Variants in APLNR observed in about 807,000 individuals in gnomAD.
The protein encoded by APLNR is apelin receptor, also known as APJ (apelin) receptor.
In APLNR, 13 loss-of-function variants were observed where a neutral mutation model predicts 23.4. That is an observed-to-expected ratio of 0.56 (90% CI 0.36 to 0.88). The LOEUF (loss-of-function observed/expected upper bound fraction) is 0.88, where lower values mean the gene tolerates loss of function less well. APLNR is among the 40% of genes least tolerant of loss of function. The pLI is 0.01. For synonymous variants in APLNR, 234 were observed against 211.9 expected, an observed-to-expected ratio of 1.10 and a Z score of -0.91; for missense variants, 480 against 517.1, an observed-to-expected ratio of 0.93 and a Z score of 0.70.
At position 57,236,188 on chromosome 11, in the gene APLNR, G is replaced by A; in HGVS notation, c.817C>T (p.Leu273=). Residue 273 remains leucine, a synonymous_variant, in exon 1 of 1, where the codon CTG becomes TTG. Transcript: ENST00000606794. ...PYHLVKTLYM[L]GSLLHWPCDF... is the part of the protein sequence containing the mutation. ...CAGGGCCAGTGCAGCAGGCTGCCCA[G>A]CATGTACAGCGTCTTCACCAGGTGG... The A allele has an allele frequency of 1.2e-6, 2 of 1,614,152 alleles. No individual in the cohort carries two copies. The highest frequency in any genetic ancestry group is 1.7e-6 in the Non-Finnish European group (2 of 1,180,024).
rs754256216 is a variant in APLNR, at chr11:57,235,828, G to GCCGAGGGCGC, written c.*24_*33dup. 4 of 1,562,818 alleles carry GCCGAGGGCGC rather than the reference G, an allele frequency of 2.6e-6. No homozygotes were observed. Among genetic ancestry groups the GCCGAGGGCGC allele is most frequent in the Non-Finnish European group, 2.6e-6 (3 of 1,156,094 alleles). On this transcript the variant is annotated 3_prime_UTR_variant, in exon 1 of 1. Coordinates refer to ENST00000606794, the MANE Select transcript of APLNR (RefSeq NM_005161.6). ...AAAGCAAGGGCAAAGGCCGGGGAGG[G>GCCGAGGGCGC]CCGAGGGCGCCAGGCTTCTCTCTGC...
At position 57,234,056 on chromosome 11, in the gene APLNR, A is replaced by G. The variant is rs1854971936; in HGVS notation, c.*1806T>C. Reference sequence around the variant, plus strand: ...TAGTCCTCCAAGAACAAAACCCGGAATAGACACTCCCAGCCTCTAGCTCAC... The same window carrying G: ...TAGTCCTCCAAGAACAAAACCCGGAGTAGACACTCCCAGCCTCTAGCTCAC... On this transcript the variant is annotated 3_prime_UTR_variant, in exon 1 of 1. Transcript: ENST00000606794. The G allele has an allele frequency of 6.6e-6, 1 of 152,294 alleles. No homozygotes were observed. The highest frequency in any genetic ancestry group is 1.5e-5 in the Non-Finnish European group (1 of 68,120). The allele number at this position is 152,294 out of a possible 1,614,324, so 9.4% of individuals were successfully genotyped here. A position where few individuals can be genotyped will look rare whatever the true frequency, so the allele number is the denominator to read the frequency against.
rs370606919 is a variant in APLNR at position 57,237,034 on chromosome 11, G to C, written c.-30C>G. 2 of 1,535,462 alleles carry C rather than the reference G, an allele frequency of 1.3e-6. No homozygotes were observed. Among genetic ancestry groups the C allele is most frequent in the South Asian group, 2.6e-5 (2 of 77,592 alleles). The stretch of plus-strand genomic sequence containing the variant: ...GGGAGTGGAGAGAAGACGGGCAGAG[G>C]GTCCCAGGGACACCAGCTCCGTGGC... On this transcript the variant is annotated 5_prime_UTR_variant, in exon 1 of 1. Coordinates refer to ENST00000606794, the MANE Select transcript of APLNR (RefSeq NM_005161.6).
rs147773675 is a variant in APLNR at position 57,235,946 on chromosome 11, C to T, written c.1059G>A (p.Gly353=). 1.3e-4 allele frequency: 207 copies of T among 1,614,272 alleles called. 1 individual carries two copies. The Middle Eastern group carries it at 2.8e-3, about 22-fold the overall frequency. The change falls in exon 1 of 1, where the codon GGG becomes GGA. Residue 353 remains glycine (G), a synonymous_variant. Transcript: ENST00000606794. ...SASYSSGHSQ[G]PGPNMGKGGE... is the part of the protein sequence containing the mutation. ...CACCCTTGCCCATGTTGGGGCCGGGCCCCTGGCTGTGCCCCGAAGAGTAGC... is the reference window on the plus strand; with the variant it reads ...CACCCTTGCCCATGTTGGGGCCGGGTCCCTGGCTGTGCCCCGAAGAGTAGC...
At position 57,236,606 on chromosome 11, in the gene APLNR, C is replaced by T; in HGVS notation, c.399G>A (p.Arg133=). The T allele has an allele frequency of 2.5e-6, 4 of 1,611,238 alleles. No individual in the cohort carries two copies. Among genetic ancestry groups the T allele is most frequent in the Non-Finnish European group, 3.4e-6 (4 of 1,179,278 alleles). Residue 133 remains arginine, a synonymous_variant, in exon 1 of 1, where the codon AGG becomes AGA. Transcript: ENST00000606794. ...LSFDRYLAIV[R]PVANARLRLR... is the part of the protein sequence containing the mutation. ...GCCTCAGCCGAGCATTGGCCACTGGCCTCACGATGGCCAGGTAGCGGTCGA... is the reference window on the plus strand; with the variant it reads ...GCCTCAGCCGAGCATTGGCCACTGGTCTCACGATGGCCAGGTAGCGGTCGA...
rs764811583 is a variant in APLNR at position 57,236,789 on chromosome 11, C to T, written c.216G>A (p.Ala72=). 1.7e-5 allele frequency: 27 copies of T among 1,614,088 alleles called. 1 individual carries two copies. The highest frequency in any genetic ancestry group is 1.4e-4 in the South Asian group (13 of 91,090). Residue 72 remains alanine, a synonymous_variant, in exon 1 of 1, where the codon GCG becomes GCA. Coordinates refer to ENST00000606794, the MANE Select transcript of APLNR (RefSeq NM_005161.6). ...RSADIFIASL[A]VADLTFVVTL... ...TCACCACGAAGGTCAGGTCAGCCAC[C>T]GCCAGGCTAGCAATGAAGATATCAG...
Position 57,235,629 on chromosome 11 carries a change from A to C in APLNR, c.*233T>G. On this transcript the variant is annotated 3_prime_UTR_variant, in exon 1 of 1. Coordinates refer to ENST00000606794, the MANE Select transcript of APLNR (RefSeq NM_005161.6). The stretch of plus-strand genomic sequence containing the variant: ...CATACCAATGGAGAAACTGAGGCTG[A>C]GTGAGATTAAATGGCTTGTGCAGGG... 1 of 481,108 alleles carries C rather than the reference A, an allele frequency of 2.1e-6. No homozygotes were observed. The highest frequency in any genetic ancestry group is 3.6e-6 in the Non-Finnish European group (1 of 276,894). The allele number at this position is 481,108 out of a possible 1,614,324, so 29.8% of individuals were successfully genotyped here.
rs1213912764 is a variant in APLNR, at chr11:57,235,901, T to A, written c.1104A>T (p.Lys368Asn). 4 of 1,613,398 alleles carry A rather than the reference T, an allele frequency of 2.5e-6. No homozygotes were observed. The highest frequency in any genetic ancestry group is 3.4e-6 in the Non-Finnish European group (4 of 1,179,690). The change falls in exon 1 of 1, where the codon AAA (lysine) becomes AAT (asparagine). Residue 368 changes from lysine (K) to asparagine (N), a missense_variant. Lys to Asn is a moderately conservative substitution (Grantham distance 94). Coordinates refer to ENST00000606794, the MANE Select transcript of APLNR (RefSeq NM_005161.6). ...GGGTCTCCTGGCTGTAGGGGATGGA[T>A]TTCTCGTGCATCTGTTCTCCACCCT... is the stretch of plus-strand genomic sequence containing the variant. Reference protein sequence around the residue: ...MGKGGEQMHEKSIPYSQETLV... With the variant: ...MGKGGEQMHENSIPYSQETLV...
rs1854981188 is a variant in APLNR, at chr11:57,234,650, T to A, written c.*1212A>T. ...CAAGGGTAATGTGTGAACAGCAGAG[T>A]TGCAGTGGATTGGGGGGTGGGAGGA... On this transcript the variant is annotated 3_prime_UTR_variant, in exon 1 of 1. Coordinates refer to ENST00000606794, the MANE Select transcript of APLNR (RefSeq NM_005161.6). 1 of 152,158 alleles carries A rather than the reference T, an allele frequency of 6.6e-6. No homozygotes were observed. Among genetic ancestry groups the A allele is most frequent in the African/African-American group, 2.4e-5 (1 of 41,360 alleles). The allele number at this position is 152,158 out of a possible 1,614,324, so 9.4% of individuals were successfully genotyped here.
rs1472375388 is a variant in APLNR at position 57,235,881 on chromosome 11, T to C, written c.1124A>G (p.Glu375Gly). Residue 375 changes from glutamate to glycine, a missense_variant, in exon 1 of 1, where the codon GAG (glutamate) becomes GGG (glycine). Physicochemically the swap from Glu to Gly is moderately conservative, Grantham distance 98. Coordinates refer to ENST00000606794, the MANE Select transcript of APLNR (RefSeq NM_005161.6). ...MHEKSIPYSQETLVVD is the reference protein window; with the variant it reads ...MHEKSIPYSQGTLVVD ...CCAGCCCTAGTCAACCACAAGGGTC[T>C]CCTGGCTGTAGGGGATGGATTTCTC... The C allele has an allele frequency of 1.2e-6, 2 of 1,610,388 alleles. No homozygotes were observed. Among genetic ancestry groups the C allele is most frequent in the Non-Finnish European group, 8.5e-7 (1 of 1,178,016 alleles).
Position 57,235,731 on chromosome 11 carries a change from G to A in APLNR, c.*131C>T. 2 of 1,078,698 alleles carry A rather than the reference G, an allele frequency of 1.9e-6. No homozygotes were observed. The highest frequency in any genetic ancestry group is 1.6e-5 in the South Asian group (1 of 62,096). 66.8% of individuals were successfully genotyped at this position (1,078,698 alleles called of 1,614,324 possible). On this transcript the variant is annotated 3_prime_UTR_variant, in exon 1 of 1. Transcript: ENST00000606794. Reference sequence around the variant, plus strand: ...AGAATAAAGCAGTAGAGGAGGACAGGGCGGGGCAGAATCAGGGGACAGTTA... The same window carrying A: ...AGAATAAAGCAGTAGAGGAGGACAGAGCGGGGCAGAATCAGGGGACAGTTA...
In APLNR at chr11:57,235,855, C is replaced by G. The variant is rs773385120; in HGVS notation, c.*7G>C. On this transcript the variant is annotated 3_prime_UTR_variant, in exon 1 of 1. Transcript: ENST00000606794. ...CGAGGGCGCCAGGCTTCTCTCTGCT[C>G]CCAGCCCTAGTCAACCACAAGGGTC... The G allele has an allele frequency of 1.9e-6, 3 of 1,593,872 alleles. No individual in the cohort carries two copies. Among genetic ancestry groups the G allele is most frequent in the South Asian group, 2.3e-5 (2 of 86,912 alleles).
At position 57,237,160 on chromosome 11, in the gene APLNR, C is replaced by G; in HGVS notation, c.-156G>C. 1.3e-6 allele frequency: 1 copy of G among 756,574 alleles called. No homozygotes were observed. The allele number at this position is 756,574 out of a possible 1,614,324, so 46.9% of individuals were successfully genotyped here. A position where few individuals can be genotyped will look rare whatever the true frequency, so the allele number is the denominator to read the frequency against. ...AGTCCTTCCCAGCACTCAGGAGGAG[C>G]TGCCTCTGGGTTCTCCAGACCCTGG... is the stretch of plus-strand genomic sequence containing the variant. On this transcript the variant is annotated 5_prime_UTR_variant, in exon 1 of 1. Transcript: ENST00000606794.
In APLNR at chr11:57,234,409, G is replaced by C. The variant is rs1282493813; in HGVS notation, c.*1453C>G. 6.6e-6 allele frequency: 1 copy of C among 152,214 alleles called. No individual in the cohort carries two copies. Among genetic ancestry groups the C allele is most frequent in the Non-Finnish European group, 1.5e-5 (1 of 68,050 alleles). 9.4% of individuals were successfully genotyped at this position (152,214 alleles called of 1,614,324 possible). ...CTCTTACTTCCTTCATGGAGCCCAA[G>C]AAGGAGCAGGAACCCAGCTCAGTAG... On this transcript the variant is annotated 3_prime_UTR_variant, in exon 1 of 1. Transcript: ENST00000606794.
At position 57,235,889 on chromosome 11, in the gene APLNR, G is replaced by A. The variant is rs759461727; in HGVS notation, c.1116C>T (p.Tyr372=). 4.3e-6 allele frequency: 7 copies of A among 1,612,330 alleles called. No individual in the cohort carries two copies. The South Asian group carries it at 7.7e-5, about 18-fold the overall frequency. The change falls in exon 1 of 1, where the codon TAC becomes TAT. Residue 372 remains tyrosine, a synonymous_variant. Transcript: ENST00000606794. ...GEQMHEKSIP[Y]SQETLVVD ...AGTCAACCACAAGGGTCTCCTGGCT[G>A]TAGGGGATGGATTTCTCGTGCATCT... is the stretch of plus-strand genomic sequence containing the variant.
rs1275058345 is a variant in APLNR at position 57,236,102 on chromosome 11, G to A, written c.903C>T (p.Asn301=). The part of the protein sequence containing the change: ...FPYCTCISYV[N]SCLNPFLYAF... Reference sequence around the variant, plus strand: ...CATAGAGGAAGGGGTTGAGGCAGCTGTTGACGTAGCTGATGCAGGTGCAGT... The same window carrying A: ...CATAGAGGAAGGGGTTGAGGCAGCTATTGACGTAGCTGATGCAGGTGCAGT... The change falls in exon 1 of 1, where the codon AAC becomes AAT. Residue 301 remains asparagine, a synonymous_variant. Coordinates refer to ENST00000606794, the MANE Select transcript of APLNR (RefSeq NM_005161.6). The A allele has an allele frequency of 6.2e-7, 1 of 1,614,118 alleles. No homozygotes were observed. The highest frequency in any genetic ancestry group is 1.3e-5 in the African/African-American group (1 of 74,954).
chr11:57,233,897 G>A lies in APLNR; in HGVS notation c.*1965C>T, dbSNP rs1854969581. On this transcript the variant is annotated 3_prime_UTR_variant, in exon 1 of 1. Transcript: ENST00000606794. The stretch of plus-strand genomic sequence containing the variant: ...TATCTTAAGATGGGGAGACTAGGCT[G>A]TGAGGAGCCCCTTCCCCTCTCCTCC... 1 of 152,274 alleles carries A rather than the reference G, an allele frequency of 6.6e-6. No individual in the cohort carries two copies. Among genetic ancestry groups the A allele is most frequent in the Admixed American group, 6.5e-5 (1 of 15,276 alleles). The allele number at this position is 152,274 out of a possible 1,614,324, so 9.4% of individuals were successfully genotyped here. A position where few individuals can be genotyped will look rare whatever the true frequency, so the allele number is the denominator to read the frequency against.
rs1855011388 is a variant in APLNR, at chr11:57,236,312, G to C, written c.693C>G (p.His231Gln). Residue 231 changes from histidine (H) to glutamine (Q), a missense_variant, in exon 1 of 1, where the codon CAC (histidine) becomes CAG (glutamine). Coordinates refer to ENST00000606794, the MANE Select transcript of APLNR (RefSeq NM_005161.6). The part of the protein sequence containing the change: ...YFFIAQTIAG[H>Q]FRKERIEGLR... ...GGCCCTCGATGCGTTCCTTGCGGAA[G>C]TGGCCAGCGATGGTTTGGGCGATGA... is the stretch of plus-strand genomic sequence containing the variant. 1 of 1,614,104 alleles carries C rather than the reference G, an allele frequency of 6.2e-7. No homozygotes were observed.
chr11:57,234,491 C>T lies in APLNR; in HGVS notation c.*1371G>A, dbSNP rs1854978824. On this transcript the variant is annotated 3_prime_UTR_variant, in exon 1 of 1. Coordinates refer to ENST00000606794, the MANE Select transcript of APLNR (RefSeq NM_005161.6). The stretch of plus-strand genomic sequence containing the variant: ...GGGGAGGGATCTCCCTACAGGAAGC[C>T]TGGTGCAAACATTAACTTCGCTCCT... 6.6e-6 allele frequency: 1 copy of T among 152,234 alleles called. No individual in the cohort carries two copies. Among genetic ancestry groups the T allele is most frequent in the Non-Finnish European group, 1.5e-5 (1 of 68,060 alleles). The allele number at this position is 152,234 out of a possible 1,614,324, so 9.4% of individuals were successfully genotyped here.
Sources: gnomAD v4.1 joint callset for allele counts on GRCh38, gnomAD v4.1.1 for gene constraint, MANE v1.5 for transcripts, NCBI Gene and HGNC (gene_info 2026-07-23, HGNC 2026-07-21) for gene names.